Variants in SATB2 observed in about 807,000 individuals in gnomAD.
SATB2 encodes the protein DNA-binding protein SATB2.
In SATB2, 1 loss-of-function variant was observed where a neutral mutation model predicts 73.4. That is an observed-to-expected ratio of 0.01 (90% CI 0.00 to 0.06). The LOEUF (loss-of-function observed/expected upper bound fraction) is 0.06, where lower values mean the gene tolerates loss of function less well. SATB2 is among the 10% of genes least tolerant of loss of function. SATB2 has a pLI of 1.00. For synonymous variants in SATB2, 397 were observed against 367.0 expected (o/e 1.08, Z -0.93); for missense variants, 459 against 945.8 (o/e 0.49, Z 6.75).
intron 10 of SATB2, among the ~76,000 whole-genome samples, chr2:199,289,119 C>A (rs1196270713): frequency 6.6e-6 from 1 of 152,152 alleles, no homozygotes; most frequent in Non-Finnish European, 1.5e-5. Context: ...CTAGGGTAGG[C>A]TTTTCCATTC....
intron 10 of SATB2, among the ~76,000 whole-genome samples, chr2:199,301,450 T>TG (rs1220479238): frequency 6.6e-6 from 1 of 152,196 alleles, no homozygotes; most frequent in East Asian, 1.9e-4. Context: ...AAGTGATCTA[T>TG]GGCCAGGTGG....
At chr2:199,435,330 G>T (rs905571305) in intron 2 of SATB2, among the ~76,000 whole-genome samples, 2 of 151,540 alleles carry the variant, frequency 1.3e-5, no homozygotes, top group Non-Finnish European at 2.9e-5. Flanking sequence ...GACATGTAGC[G>T]AATAATATAA....
At chr2:199,284,077 G>T (rs1692613257) in intron 10 of SATB2, among the ~76,000 whole-genome samples, 1 of 152,172 alleles carries the variant, frequency 6.6e-6, no homozygotes, top group South Asian at 2.1e-4. Flanking sequence ...GACAGCATTT[G>T]TTGCCAATTA....
chr2:199,335,871 G>A (rs904055355), intron 7 of SATB2, among the ~76,000 whole-genome samples: 1 of 152,070 alleles, frequency 6.6e-6, no homozygotes, highest in African/African-American at 2.4e-5. Context: ...TTTGTTTTTT[G>A]TGGATACAAT....
rs1692322144 is a variant in SATB2, at chr2:199,457,550, T to G, written c.-271A>C. 7.6e-6 allele frequency: 1 copy of G among 130,794 alleles called. No individual in the cohort carries two copies. The highest frequency in any genetic ancestry group is 1.6e-5 in the Non-Finnish European group (1 of 61,730). 8.1% of individuals were successfully genotyped at this position (130,794 alleles called of 1,614,324 possible). On this transcript the variant is annotated 5_prime_UTR_variant, in exon 1 of 11. Coordinates refer to ENST00000417098, the MANE Select transcript of SATB2 (RefSeq NM_001172509.2). The surrounding 1 kb of genome is among the most constrained non-coding windows in gnomAD (Gnocchi z 4.8). Reference sequence around the variant, plus strand: ...GGTGCGGAGATGGTTGTTATGATGATGATGGGGGGAGGGAGGAGGGGGAGG... The same window carrying G: ...GGTGCGGAGATGGTTGTTATGATGAGGATGGGGGGAGGGAGGAGGGGGAGG...
chr2:199,273,608 A>T (rs1482690359), intron 10 of SATB2, among the ~76,000 whole-genome samples: 2 of 152,250 alleles, frequency 1.3e-5, no homozygotes, highest in East Asian at 1.9e-4. Context: ...ATTTAAAGAC[A>T]TAACTGTTTC....
At chr2:199,466,184 G>C (rs553410909), upstream of SATB2, among the ~76,000 whole-genome samples, 1 of 152,236 alleles carries the variant, frequency 6.6e-6, no homozygotes, top group East Asian at 1.9e-4. Flanking sequence ...AGGACGTCTC[G>C]CGCATTCTTC....
At chr2:199,387,488 A>G (rs1689995807) in intron 3 of SATB2, among the ~76,000 whole-genome samples, 1 of 152,216 alleles carries the variant, frequency 6.6e-6, no homozygotes, top group African/African-American at 2.4e-5. Flanking sequence ...CAACAGTGCC[A>G]TTTCAGACAT....
intron 3 of SATB2, among the ~76,000 whole-genome samples, chr2:199,387,122 C>T: frequency 6.6e-6 from 1 of 152,138 alleles, no homozygotes; most frequent in East Asian, 1.9e-4. Context: ...AGCATTCTAC[C>T]TGGAAGTAAG....
intron 6 of SATB2, among the ~76,000 whole-genome samples, chr2:199,366,904 A>G (rs543970527): frequency 2.0e-5 from 3 of 150,316 alleles, no homozygotes; most frequent in Admixed American, 6.6e-5. Context: ...GTGCGAATGC[A>G]CACACACACA....
intron 10 of SATB2, among the ~76,000 whole-genome samples, chr2:199,295,937 T>G (rs1693017794): frequency 6.6e-6 from 1 of 152,218 alleles, no homozygotes; most frequent in Non-Finnish European, 1.5e-5. Flanking sequence ...AGTTTTCCTT[T>G]AATTGAAAGT....
At chr2:199,429,907 C>G (rs980848907) in intron 3 of SATB2, among the ~76,000 whole-genome samples, 2 of 152,130 alleles carry the variant, frequency 1.3e-5, no homozygotes, top group African/African-American at 4.8e-5. Flanking sequence ...GAGACTCCGT[C>G]TCGAAATAAA....
chr2:199,323,508 C>CACACATAT (rs372830951), intron 9 of SATB2, among the ~76,000 whole-genome samples: 1,614 of 144,302 alleles, frequency 0.011, 27 homozygotes, highest in African/African-American at 0.037. Flanking sequence ...CACACACACA[C>CACACATAT]ATATATAAAG....
At chr2:199,429,953 A>G (rs533120957) in intron 3 of SATB2, among the ~76,000 whole-genome samples, 158 of 152,332 alleles carry the variant, frequency 1.0e-3, no homozygotes, top group African/African-American at 3.7e-3. Context: ...CAATTTTAAA[A>G]TTTATTTTAA....
chr2:199,274,576 C>A (rs2105710689), intron 10 of SATB2, among the ~76,000 whole-genome samples: 1 of 152,206 alleles, frequency 6.6e-6, no homozygotes, highest in South Asian at 2.1e-4. Context: ...TAATCAGAAG[C>A]AAATAAGACT....
Position 199,308,549 on chromosome 2 carries a change from TACACACACACACACGCACGCACATGC to T in SATB2, c.1740+185_1740+210del, listed in dbSNP as rs1161289939. ...TCAGTCATTTTTCTTTGTGTGTGCA[TACACACACACACACGCACGCACATGC>T]ACACACACACACATACACATACACA... On this transcript the variant is annotated intron_variant, in intron 10 of 10. Transcript: ENST00000417098. The surrounding 1 kb of genome is among the most constrained non-coding windows in gnomAD (Gnocchi z 4.6). Among the ~76,000 whole-genome samples, 335 of 151,268 alleles carry T rather than the reference TACACACACACACACGCACGCACATGC, an allele frequency of 2.2e-3. No individual in the cohort carries two copies. The highest frequency in any genetic ancestry group is 7.9e-3 in the African/African-American group (328 of 41,326).
chr2:199,329,959 G>T (rs956214329), intron 7 of SATB2, among the ~76,000 whole-genome samples: 4 of 152,070 alleles, frequency 2.6e-5, no homozygotes, highest in Non-Finnish European at 5.9e-5. Flanking sequence ...ATAAGAACAG[G>T]GTTTAGGATT....
At chr2:199,338,001 G>GTTATATT (rs1688386181) in intron 7 of SATB2, among the ~76,000 whole-genome samples, 1 of 152,064 alleles carries the variant, frequency 6.6e-6, no homozygotes, top group African/African-American at 2.4e-5. Context: ...AAATCATACT[G>GTTATATT]TAAATATAAC....
chr2:199,456,021 T>A lies in SATB2; in HGVS notation c.17A>T (p.Glu6Val). The change falls in exon 2 of 11, where the codon GAG becomes GTG. Residue 6 changes from glutamate to valine, a missense_variant. Physicochemically the swap from Glu to Val is moderately radical, Grantham distance 121. Coordinates refer to ENST00000417098, the MANE Select transcript of SATB2 (RefSeq NM_001172509.2). ...GGGGCTGTCCCGCAGACACGGGCTC[T>A]CGCTCCGCCGCTCCATGCTGCTCCG... Reference protein sequence around the residue: MERRSESPCLRDSPDR... With the variant: MERRSVSPCLRDSPDR... The A allele has an allele frequency of 6.6e-7, 1 of 1,512,916 alleles. No individual in the cohort carries two copies. The highest frequency in any genetic ancestry group is 8.8e-7 in the Non-Finnish European group (1 of 1,133,724). 93.7% of individuals were successfully genotyped at this position (1,512,916 alleles called of 1,614,324 possible). A position where few individuals can be genotyped will look rare whatever the true frequency, so the allele number is the denominator to read the frequency against.
Sources: allele counts gnomAD v4.1 joint callset (sites outside exome capture counted in the v4.1 genomes callset), GRCh38; gene constraint gnomAD v4.1.1; non-coding constraint Gnocchi (gnomAD v3.1); transcripts MANE v1.5; gene names NCBI Gene and HGNC (gene_info 2026-07-23, HGNC 2026-07-21).